MYH3: variants seen among roughly 807,000 people sequenced by gnomAD.
MYH3 encodes the protein myosin heavy chain 3.
A neutral mutation model predicts 238.0 loss-of-function variants in MYH3; 130 were observed. That is an observed-to-expected ratio of 0.55 (90% CI 0.47 to 0.63). The LOEUF is 0.63. Ranked by LOEUF, MYH3 falls within the 30% of genes least tolerant of loss-of-function variation. The probability of loss-of-function intolerance (pLI) is 0.00; values close to 1 mark genes in which losing one functional copy is unlikely to be tolerated. For missense variants in MYH3, 1,853 were observed against 2,374.9 expected (o/e 0.78, Z 4.57); for synonymous variants, 880 against 924.1 (o/e 0.95, Z 0.86).
chr17:10,643,021 G>A (rs1396541375), intron 14 of MYH3, 25 bp from the exon 15 acceptor site: 9 of 1,614,116 alleles, frequency 5.6e-6, no homozygotes, highest in Non-Finnish European at 5.1e-6. Flanking sequence ...CAACATTCAT[G>A]TGAAAAGTTA....
At chr17:10,676,937 A>T in the MYH3 span, 1 of 152,234 alleles carries the variant, frequency 6.6e-6, no homozygotes, top group Non-Finnish European at 1.5e-5. Context: ...AGAGGCTATT[A>T]CTTGAATCTT....
chr17:10,657,688 C>T (rs1327712589), upstream of MYH3, among the ~76,000 whole-genome samples: 2 of 152,132 alleles, frequency 1.3e-5, no homozygotes, highest in South Asian at 2.1e-4. Context: ...AGTCGGGTGG[C>T]TTACTTAGAA....
At position 10,648,562 on chromosome 17, in the gene MYH3, G is replaced by C. The variant is rs775761222; in HGVS notation, c.730C>G (p.Arg244Gly). The C allele has an allele frequency of 6.2e-7, 1 of 1,613,382 alleles. No individual in the cohort carries two copies. The highest frequency in any genetic ancestry group is 8.5e-7 in the Non-Finnish European group (1 of 1,179,336). ...TTAACCAAACTCAGACTCACAAAAC[G>C]GGAGGAGTTGTCATTCCTCACAGTC... The part of the protein sequence containing the change: ...AKTVRNDNSS[R>G]FGKFIRIHFG... The change falls in exon 8 of 41, where the codon CGT (arginine) becomes GGT (glycine). Residue 244 changes from arginine to glycine, a missense_variant. By Grantham distance (125) the Arg-to-Gly change is moderately radical. Around this residue, in one of 3 missense-constraint regions of MYH3, gnomAD observed 678 missense variants for 1,058.9 expected, o/e 0.64. Coordinates refer to ENST00000583535, the MANE Select transcript of MYH3 (RefSeq NM_002470.4).
At chr17:10,633,418 A>C (rs1297990994) in intron 33 of MYH3, among the ~76,000 whole-genome samples, 173 bp downstream of exon 33, 1 of 152,220 alleles carries the variant, frequency 6.6e-6, no homozygotes, top group East Asian at 1.9e-4. Context: ...AATTTAAGAT[A>C]ATTCACAGGT....
chr17:10,662,266 C>A (rs1235059617), upstream of MYH3, among the ~76,000 whole-genome samples: 1 of 152,274 alleles, frequency 6.6e-6, no homozygotes, highest in East Asian at 1.9e-4. Context: ...AAATGATCCA[C>A]CCGCCTTGGC....
rs760274926 is a variant in MYH3 at position 10,634,193 on chromosome 17, G to C, written c.4357-11C>G. 3 of 1,613,896 alleles carry C rather than the reference G, an allele frequency of 1.9e-6. No individual in the cohort carries two copies. The African/African-American group carries it at 4.0e-5, about 22-fold the overall frequency. On this transcript the variant is annotated splice_polypyrimidine_tract_variant and intron_variant, in intron 31 of 40. Coordinates refer to ENST00000583535, the MANE Select transcript of MYH3 (RefSeq NM_002470.4). Reference sequence around the variant, plus strand: ...CCACTCTGCCAACACCTGAAACACCGGACGGAAGTTCTCTCCGTTTCTGAG... The same window carrying C: ...CCACTCTGCCAACACCTGAAACACCCGACGGAAGTTCTCTCCGTTTCTGAG...
Position 10,642,322 on chromosome 17 carries a change from A to G in MYH3, c.1889-12T>C, listed in dbSNP as rs754205599. ...CTTTCCACTGTCAGCTGAAAGCAATAAGGGAGGGCACGTGCTGTAGGTGAA... is the reference window on the plus strand; with the variant it reads ...CTTTCCACTGTCAGCTGAAAGCAATGAGGGAGGGCACGTGCTGTAGGTGAA... On this transcript the variant is annotated splice_polypyrimidine_tract_variant and intron_variant, in intron 16 of 40. Coordinates refer to ENST00000583535, the MANE Select transcript of MYH3 (RefSeq NM_002470.4). The surrounding 1 kb of genome is among the most constrained non-coding windows in gnomAD (Gnocchi z 5.4). 7.4e-6 allele frequency: 12 copies of G among 1,614,082 alleles called. No homozygotes were observed. The East Asian group carries it at 2.7e-4, about 36-fold the overall frequency.
the MYH3 span, among the ~76,000 whole-genome samples, chr17:10,662,609 A>G: frequency 5.9e-5 from 9 of 152,278 alleles, no homozygotes; most frequent in African/African-American, 2.2e-4. Context: ...ATTCTATATC[A>G]TGTCTTAGGC....
At position 10,645,801 on chromosome 17, in the gene MYH3, C is replaced by T. The variant is rs1302771185; in HGVS notation, c.1047G>A (p.Gly349=). 2.5e-6 allele frequency: 4 copies of T among 1,613,766 alleles called. No homozygotes were observed. In the African/African-American group the frequency reaches 4.0e-5, roughly 16 times the overall value. ...TCACGGCTCCCGTCAGCTTGTAGAG[C>T]CCAGATTTCTCTTCTGGGGTGAAGC... ...ILGFTPEEKS[G]LYKLTGAVMH... is the part of the protein sequence containing the mutation. Residue 349 remains glycine, a synonymous_variant, in exon 12 of 41, where the codon GGG becomes GGA. Transcript: ENST00000583535.
In MYH3 at chr17:10,638,068, C is replaced by G. The variant is rs1217577716; in HGVS notation, c.3704G>C (p.Ser1235Thr). 12 of 1,613,984 alleles carry G rather than the reference C, an allele frequency of 7.4e-6. No individual in the cohort carries two copies. Among genetic ancestry groups the G allele is most frequent in the Non-Finnish European group, 9.3e-6 (11 of 1,180,016 alleles). ...FKLEIDDLSS[S>T]MESVSKSKAN... is the part of the protein sequence containing the mutation. ...CTTAGATTTCGACACACTCTCCATG[C>G]TGCTGGAGAGGTCATCGATCTCCAG... The change falls in exon 27 of 41, where the codon AGC becomes ACC. Residue 1235 changes from serine to threonine, a missense_variant. This residue lies in a region of MYH3 where 1,044 missense variants were observed against 1,192.6 expected (regional missense o/e 0.88). Coordinates refer to ENST00000583535, the MANE Select transcript of MYH3 (RefSeq NM_002470.4).
rs1397687931 is a variant in MYH3, at chr17:10,631,655, C to G, written c.5242G>C (p.Asp1748His). ...LQSEVEDASR[D>H]ARNAEEKAKK... ...GCCTTCTCCTCAGCGTTCCTTGCATCCCTGCTGGCATCTTCTACCTCACTC... is the reference window on the plus strand; with the variant it reads ...GCCTTCTCCTCAGCGTTCCTTGCATGCCTGCTGGCATCTTCTACCTCACTC... Residue 1748 changes from aspartate to histidine, a missense_variant, in exon 36 of 41, where the codon GAT (aspartate) becomes CAT (histidine). Physicochemically the swap from Asp to His is moderately conservative, Grantham distance 81 (BLOSUM62 -1). This residue lies in a region of MYH3 where 1,044 missense variants were observed against 1,192.6 expected (regional missense o/e 0.88). Transcript: ENST00000583535. 6.2e-7 allele frequency: 1 copy of G among 1,614,144 alleles called. No individual in the cohort carries two copies. The highest frequency in any genetic ancestry group is 2.2e-5 in the East Asian group (1 of 44,886).
chr17:10,656,898 G>T (rs1332277293), intron 1 of MYH3, among the ~76,000 whole-genome samples: 4 of 152,162 alleles, frequency 2.6e-5, no homozygotes, highest in Non-Finnish European at 5.9e-5. Context: ...GGAAGGTGAG[G>T]GCAGAGTGAG....
rs1461231874 is a variant in MYH3, at chr17:10,645,795, G to C, written c.1053C>G (p.Tyr351Ter). Residue 351 changes from tyrosine to a stop codon, truncating the protein, a stop_gained, in exon 12 of 41, where the codon TAC (tyrosine) becomes TAG (stop). Transcript: ENST00000583535. LOFTEE classifies it high-confidence loss of function. ...AGTGCATCACGGCTCCCGTCAGCTT[G>C]TAGAGCCCAGATTTCTCTTCTGGGG... ...GFTPEEKSGL[Y>*]KLTGAVMHYG... 14 of 1,613,768 alleles carry C rather than the reference G, an allele frequency of 8.7e-6. No homozygotes were observed. Among genetic ancestry groups the C allele is most frequent in the Non-Finnish European group, 1.7e-6 (2 of 1,180,016 alleles).
intron 10 of MYH3, among the ~76,000 whole-genome samples, chr17:10,646,438 A>G (rs983925481): frequency 6.6e-6 from 1 of 152,096 alleles, no homozygotes; most frequent in African/African-American, 2.4e-5. Context: ...CAAGCTGGAG[A>G]CCAGAAGGCT....
chr17:10,640,950 G>A (rs1237917615), intron 19 of MYH3, 135 bp downstream of exon 19: 1 of 902,992 alleles, frequency 1.1e-6, no homozygotes, highest in Admixed American at 1.8e-5. Flanking sequence ...TGGCCAAATG[G>A]TAGATTGTTC....
At chr17:10,643,576 A>T (rs2074293262) in intron 14 of MYH3, among the ~76,000 whole-genome samples, 1 of 151,850 alleles carries the variant, frequency 6.6e-6, no homozygotes, top group Admixed American at 6.6e-5. Flanking sequence ...GGGTTTCACC[A>T]TGTTGGCCAG....
rs763431777 is a variant in MYH3, at chr17:10,642,553, C to T, written c.1752G>A (p.Ala584=). 3.5e-5 allele frequency: 56 copies of T among 1,614,054 alleles called. No individual in the cohort carries two copies. The highest frequency in any genetic ancestry group is 4.6e-5 in the Non-Finnish European group (54 of 1,180,048). Residue 584 remains alanine, a synonymous_variant, in exon 16 of 41, where the codon GCG becomes GCA. Coordinates refer to ENST00000583535, the MANE Select transcript of MYH3 (RefSeq NM_002470.4). This position sits in a 1 kb window ranked among gnomAD's most constrained non-coding sequence, Gnocchi z 5.4. The part of the protein sequence containing the change: ...AEAHFSLIHY[A]GTVDYSVSGW... ...CTGAGACACTGTAGTCCACGGTGCC[C>T]GCATAGTGGATCAGTGAGAAGTGAG...
At chr17:10,649,540 A>T in intron 7 of MYH3, 37 bp downstream of exon 7, 1 of 1,531,532 alleles carries the variant, frequency 6.5e-7, no homozygotes, top group Non-Finnish European at 9.1e-7. Flanking sequence ...CACAGTTAAA[A>T]GTGGAAGCAA....
Position 10,634,198 on chromosome 17 carries a change from G to A in MYH3, c.4357-16C>T. ...CTGCCAACACCTGAAACACCGGACG[G>A]AAGTTCTCTCCGTTTCTGAGCTCTC... On this transcript the variant is annotated splice_polypyrimidine_tract_variant and intron_variant, in intron 31 of 40. Transcript: ENST00000583535. The A allele has an allele frequency of 1.2e-6, 2 of 1,614,042 alleles. No individual in the cohort carries two copies. Among genetic ancestry groups the A allele is most frequent in the Non-Finnish European group, 1.7e-6 (2 of 1,180,018 alleles).
Sources: allele counts gnomAD v4.1 joint callset (sites outside exome capture counted in the v4.1 genomes callset), GRCh38; gene constraint gnomAD v4.1.1; regional missense constraint gnomAD v4.1.1; non-coding constraint Gnocchi (gnomAD v3.1); transcripts MANE v1.5; gene names NCBI Gene and HGNC (gene_info 2026-07-23, HGNC 2026-07-21).